PCDHGB1: variants seen among roughly 807,000 people sequenced by gnomAD.
PCDHGB1 encodes the protein protocadherin gamma subfamily B, 1, also known as protocadherin gamma-B1.
PCDHGB1 carries 34 observed loss-of-function variants against 56.6 expected under a neutral mutation model. The observed-to-expected ratio is 0.60, with a 90% CI of 0.46 to 0.80. PCDHGB1 has a LOEUF of 0.80. PCDHGB1 is among the 30% of genes least tolerant of loss of function. The probability of loss-of-function intolerance (pLI) is 0.00; values close to 1 mark genes in which losing one functional copy is unlikely to be tolerated. For synonymous variants in PCDHGB1, 561 were observed against 505.9 expected (o/e 1.11, Z -1.46); for missense variants, 1,278 against 1,204.6 (o/e 1.06, Z -0.90).
Position 141,477,020 on chromosome 5 carries a change from G to C in PCDHGB1, c.2410-17787G>C, listed in dbSNP as rs1383192345. The C allele has an allele frequency of 6.2e-7, 1 of 1,614,224 alleles. No homozygotes were observed. The highest frequency in any genetic ancestry group is 8.5e-7 in the Non-Finnish European group (1 of 1,180,048). On this transcript the variant is annotated intron_variant, in intron 1 of 3. Coordinates refer to ENST00000523390, the MANE Select transcript of PCDHGB1 (RefSeq NM_018922.3). The surrounding 1 kb of genome is among the most constrained non-coding windows in gnomAD (Gnocchi z 4.9). ...ACTATTCGCCTTAGACCTTGTAACC[G>C]GGATGCTGACAATCAAGGGTCGGCT...
intron 1 of PCDHGB1, chr5:141,375,467 C>A: frequency 6.2e-7 from 1 of 1,614,008 alleles, no homozygotes; most frequent in Non-Finnish European, 8.5e-7. Flanking sequence ...AGTCTATGTC[C>A]TTGAAAACAA....
At chr5:141,355,818 G>T in intron 1 of PCDHGB1, 1 of 1,613,008 alleles carries the variant, frequency 6.2e-7, no homozygotes, top group Non-Finnish European at 8.5e-7. Context: ...AGGAAGAGGC[G>T]GTTCACCACC....
At chr5:141,414,763 C>G in intron 1 of PCDHGB1, 1 of 1,614,258 alleles carries the variant, frequency 6.2e-7, no homozygotes, top group South Asian at 1.1e-5. Flanking sequence ...TGAGCAGTTT[C>G]ATGAGCTACA....
intron 1 of PCDHGB1, chr5:141,418,101 G>T: frequency 6.2e-7 from 1 of 1,614,082 alleles, no homozygotes; most frequent in Non-Finnish European, 8.5e-7. Context: ...GACGCGCAGA[G>T]CGGGGACTTA....
At chr5:141,365,026 C>T in intron 1 of PCDHGB1, 1 of 1,613,890 alleles carries the variant, frequency 6.2e-7, no homozygotes, top group Admixed American at 1.7e-5. Flanking sequence ...GTGTTACGGT[C>T]CTCGACGCAA....
At chr5:141,484,626 C>T (rs1306600907) in intron 1 of PCDHGB1, among the ~76,000 whole-genome samples, 1 of 151,972 alleles carries the variant, frequency 6.6e-6, no homozygotes, top group African/African-American at 2.4e-5. Context: ...CTGGCTTGAA[C>T]AAAGTGACCA....
chr5:141,421,640 A>T (rs367946949), intron 1 of PCDHGB1: 1 of 1,613,716 alleles, frequency 6.2e-7, no homozygotes, highest in Non-Finnish European at 8.5e-7. Context: ...CAGGAGGACG[A>T]AGTGGAGATA....
chr5:141,386,345 AG>A (rs2090538065), intron 1 of PCDHGB1, among the ~76,000 whole-genome samples: 1 of 152,200 alleles, frequency 6.6e-6, no homozygotes, highest in Admixed American at 6.5e-5. Context: ...GTGGATGACA[AG>A]GTAATCTTGA....
At chr5:141,389,117 G>A in intron 1 of PCDHGB1, 1 of 1,614,024 alleles carries the variant, frequency 6.2e-7, no homozygotes, top group Admixed American at 1.7e-5. Flanking sequence ...TAGACCGCGA[G>A]CAGAATCCAG....
Position 141,485,447 on chromosome 5 carries a change from C to G in PCDHGB1, c.2410-9360C>G, listed in dbSNP as rs1233800346. 6.2e-7 allele frequency: 1 copy of G among 1,614,144 alleles called. No individual in the cohort carries two copies. The highest frequency in any genetic ancestry group is 8.5e-7 in the Non-Finnish European group (1 of 1,180,036). On this transcript the variant is annotated intron_variant, in intron 1 of 3. Transcript: ENST00000523390. This position sits in a 1 kb window ranked among gnomAD's most constrained non-coding sequence, Gnocchi z 5.7. ...CCTGCTCATCAAGAACCCAATCGAC[C>G]GAGAGGCACTGTGTGGGCTCAGTGC... is the stretch of plus-strand genomic sequence containing the variant.
intron 1 of PCDHGB1, chr5:141,404,304 C>T (rs1182256144): frequency 1.2e-6 from 2 of 1,613,858 alleles, no homozygotes; most frequent in African/African-American, 2.7e-5. Flanking sequence ...AATCCACCTG[C>T]TTTCTCTCAA....
Position 141,394,682 on chromosome 5 carries a change from G to A in PCDHGB1, c.2409+42013G>A, listed in dbSNP as rs546310598. 6.3e-5 allele frequency: 102 copies of A among 1,611,492 alleles called. No individual in the cohort carries two copies. The South Asian group carries it at 1.0e-3, about 16-fold the overall frequency. ...GACTCTTCTCGGTGGGTCTGCACAC[G>A]GGCGAGGTGCGCACGGCGCGAGCCC... On this transcript the variant is annotated intron_variant, in intron 1 of 3. Coordinates refer to ENST00000523390, the MANE Select transcript of PCDHGB1 (RefSeq NM_018922.3).
At position 141,486,994 on chromosome 5, in the gene PCDHGB1, C is replaced by G. The variant is rs779792543; in HGVS notation, c.2410-7813C>G. ...ATTCAGGTTACAATGCTTGGGTTTC[C>G]TATCAGCTCCTGGAGGCCCCAGATC... On this transcript the variant is annotated intron_variant, in intron 1 of 3. Coordinates refer to ENST00000523390, the MANE Select transcript of PCDHGB1 (RefSeq NM_018922.3). The surrounding 1 kb of genome is among the most constrained non-coding windows in gnomAD (Gnocchi z 5.0). 3 of 1,614,214 alleles carry G rather than the reference C, an allele frequency of 1.9e-6. No individual in the cohort carries two copies. Among genetic ancestry groups the G allele is most frequent in the Admixed American group, 1.7e-5 (1 of 60,030 alleles).
chr5:141,456,324 G>T (rs757059960), intron 1 of PCDHGB1, among the ~76,000 whole-genome samples: 15 of 152,166 alleles, frequency 9.9e-5, no homozygotes, highest in Non-Finnish European at 2.9e-5. Context: ...TCCTCCTGGG[G>T]TTGATCTAAG....
At chr5:141,469,992 G>A (rs894673835) in intron 1 of PCDHGB1, among the ~76,000 whole-genome samples, 10 of 152,054 alleles carry the variant, frequency 6.6e-5, no homozygotes, top group South Asian at 2.1e-4. Context: ...TTAGCTGGTC[G>A]TCGTGGCACG....
At position 141,361,194 on chromosome 5, in the gene PCDHGB1, T is replaced by TA. The variant is rs755692638; in HGVS notation, c.2409+8526dup. ...CTGAAGTTATTGTGACTTCAGTATC[T>TA]ACTCCCCTACCGGAGGATTCGCCAC... is the stretch of plus-strand genomic sequence containing the variant. On this transcript the variant is annotated intron_variant, in intron 1 of 3. Transcript: ENST00000523390. The TA allele has an allele frequency of 9.9e-6, 16 of 1,613,986 alleles. No homozygotes were observed. In the South Asian group the frequency reaches 1.8e-4, roughly 18 times the overall value.
intron 1 of PCDHGB1, chr5:141,365,642 A>G (rs1764035406): frequency 6.2e-7 from 1 of 1,613,554 alleles, no homozygotes; most frequent in Non-Finnish European, 8.5e-7. Flanking sequence ...AGAAAGCCAC[A>G]TCCCCTTGAA....
intron 1 of PCDHGB1, chr5:141,404,928 C>G: frequency 2.5e-6 from 4 of 1,613,866 alleles, no homozygotes; most frequent in Non-Finnish European, 3.4e-6. Context: ...GCCACTGTCA[C>G]GCTCACAGTA....
chr5:141,474,955 T>C (rs2099356879), intron 1 of PCDHGB1, among the ~76,000 whole-genome samples: 1 of 152,254 alleles, frequency 6.6e-6, no homozygotes, highest in African/African-American at 2.4e-5. Context: ...TTTTATTCAC[T>C]ATCCTAATCA....
Sources: allele counts gnomAD v4.1 joint callset (sites outside exome capture counted in the v4.1 genomes callset), GRCh38; gene constraint gnomAD v4.1.1; non-coding constraint Gnocchi (gnomAD v3.1); transcripts MANE v1.5; gene names NCBI Gene and HGNC (gene_info 2026-07-23, HGNC 2026-07-21).